Variants in OSBPL10 observed in about 807,000 individuals in gnomAD.
The protein encoded by OSBPL10 is oxysterol binding protein like 10, also known as oxysterol-binding protein-related protein 10.
In OSBPL10, 49 loss-of-function variants were observed where a neutral mutation model predicts 81.7. The ratio of observed to expected loss-of-function variants is 0.60; its 90% confidence interval spans 0.48 to 0.76. The LOEUF (loss-of-function observed/expected upper bound fraction) is 0.76. Among genes scored for constraint, OSBPL10 ranks in the 30% least tolerant of loss-of-function variants. OSBPL10 has a pLI of 0.00. For synonymous variants in OSBPL10, 419 were observed against 383.6 expected (o/e 1.09, Z -1.08); for missense variants, 923 against 987.8 (o/e 0.93, Z 0.88).
At chr3:31,979,362 TATC>T (rs1259503497) in intron 1 of OSBPL10, among the ~76,000 whole-genome samples, 2 of 152,226 alleles carry the variant, frequency 1.3e-5, no homozygotes, top group Non-Finnish European at 2.9e-5. Flanking sequence ...ATATGTAGAA[TATC>T]AATATAGAAA....
Position 31,855,420 on chromosome 3 carries a change from T to C in OSBPL10, c.537+21013A>G, listed in dbSNP as rs147444578. Among the ~76,000 whole-genome samples, 36 of 152,332 alleles carry C rather than the reference T, an allele frequency of 2.4e-4. 1 individual carries two copies. The East Asian group carries it at 6.2e-3, about 26-fold the overall frequency. On this transcript the variant is annotated intron_variant, in intron 3 of 11. Coordinates refer to ENST00000396556, the MANE Select transcript of OSBPL10 (RefSeq NM_017784.5). ...TGAAGAATACAGTCCATGTAGGATATATTTTTAAGTAGGAATACCTTAAAA... is the reference window on the plus strand; with the variant it reads ...TGAAGAATACAGTCCATGTAGGATACATTTTTAAGTAGGAATACCTTAAAA...
intron 2 of OSBPL10, chr3:31,991,564 T>C (rs1699030148): frequency 6.0e-6 from 1 of 166,878 alleles, no homozygotes; most frequent in East Asian, 1.9e-4. Flanking sequence ...TGTTAATGTA[T>C]GGAAATTTAA....
chr3:31,847,278 C>T (rs1049146539), intron 3 of OSBPL10, among the ~76,000 whole-genome samples: 1 of 151,902 alleles, frequency 6.6e-6, no homozygotes, highest in African/African-American at 2.4e-5. Context: ...CTCACTGCAG[C>T]CTCGGTCTCC....
At chr3:31,704,561 G>C (rs1310559661) in intron 6 of OSBPL10, 2 of 152,340 alleles carry the variant, frequency 1.3e-5, no homozygotes, top group East Asian at 3.9e-4. Flanking sequence ...ATCTCAACAG[G>C]AGAAGTAGCT....
At position 31,812,826 on chromosome 3, in the gene OSBPL10, A is replaced by C. The variant is rs554607256; in HGVS notation, c.729+17214T>G. On this transcript the variant is annotated intron_variant, in intron 4 of 11. Coordinates refer to ENST00000396556, the MANE Select transcript of OSBPL10 (RefSeq NM_017784.5). ...AGAAAGAAAGAAAGAAAGAGAAAGA[A>C]AGAAAGAAAGAAAGAAAGAACGAAC... Among the ~76,000 whole-genome samples, 73 of 135,252 alleles carry C rather than the reference A, an allele frequency of 5.4e-4. 2 individuals are homozygous for C. The highest frequency in any genetic ancestry group is 1.9e-3 in the African/African-American group (69 of 36,072). The allele number at this position is 135,252 out of a possible 152,430, so 88.7% of individuals were successfully genotyped here.
chr3:31,725,428 A>C (rs1696779000), intron 6 of OSBPL10, among the ~76,000 whole-genome samples: 1 of 152,194 alleles, frequency 6.6e-6, no homozygotes, highest in Admixed American at 6.5e-5. Flanking sequence ...GAAAAAGAAA[A>C]AACCCGGATG....
chr3:31,801,604 G>A (rs184851692), intron 4 of OSBPL10, among the ~76,000 whole-genome samples: 30 of 152,270 alleles, frequency 2.0e-4, no homozygotes, highest in African/African-American at 6.7e-4. Context: ...AGCTGTGACC[G>A]TGTTCACACT....
At chr3:31,905,344 G>GTTTTTTTTTTTTTTTTTT (rs1575608407) in intron 1 of OSBPL10, among the ~76,000 whole-genome samples, 5 of 70,708 alleles carry the variant, frequency 7.1e-5, no homozygotes, top group African/African-American at 2.4e-4. Context: ...GGAACCTGGT[G>GTTTTTTTTTTTTTTTTTT]ATTTTTTTTT....
At chr3:32,054,580 G>A (rs1467116241) in intron 1 of OSBPL10, among the ~76,000 whole-genome samples, 1 of 137,294 alleles carries the variant, frequency 7.3e-6, no homozygotes, top group Admixed American at 8.0e-5. Flanking sequence ...CACCCAGGCT[G>A]GAGTGCAATG....
intron 1 of OSBPL10, among the ~76,000 whole-genome samples, chr3:31,936,342 T>G (rs1697379783): frequency 1.3e-5 from 2 of 152,238 alleles, no homozygotes; most frequent in Admixed American, 1.3e-4. Flanking sequence ...GTATTCAATC[T>G]GTACAAAATG....
chr3:32,069,792 G>A (rs978955246), intron 1 of OSBPL10, among the ~76,000 whole-genome samples: 5 of 152,164 alleles, frequency 3.3e-5, no homozygotes, highest in African/African-American at 9.7e-5. Flanking sequence ...CCACAACCAC[G>A]GCTCCAGCAT....
At chr3:31,693,803 T>G (rs1409099521) in intron 7 of OSBPL10, among the ~76,000 whole-genome samples, 1 of 152,224 alleles carries the variant, frequency 6.6e-6, no homozygotes, top group Admixed American at 6.5e-5. Flanking sequence ...GGTCTTGCTC[T>G]GTTGCCCAGA....
chr3:31,766,383 C>T (rs1393904812), intron 4 of OSBPL10, among the ~76,000 whole-genome samples: 2 of 139,124 alleles, frequency 1.4e-5, no homozygotes, highest in South Asian at 2.4e-4. Context: ...TTCATCACCA[C>T]CCAAGCTAGA....
chr3:32,026,065 AGATAGATAG>A (rs1699407942), intron 2 of OSBPL10, among the ~76,000 whole-genome samples: 4 of 82,170 alleles, frequency 4.9e-5, no homozygotes, highest in African/African-American at 1.5e-4. Flanking sequence ...GATGATAGAT[AGATAGATAG>A]ATAGATAGAT....
intron 1 of OSBPL10, among the ~76,000 whole-genome samples, chr3:31,939,650 C>T (rs1377300854): frequency 1.3e-5 from 2 of 152,108 alleles, no homozygotes; most frequent in Non-Finnish European, 1.5e-5. Context: ...TGACCAAACT[C>T]CACAAACACA....
At chr3:31,741,507 T>C (rs1320186722) in intron 5 of OSBPL10, among the ~76,000 whole-genome samples, 1 of 152,192 alleles carries the variant, frequency 6.6e-6, no homozygotes, top group African/African-American at 2.4e-5. Flanking sequence ...TCGTGATCCA[T>C]CCACCTTGGC....
chr3:31,809,192 G>A (rs1422565095), intron 4 of OSBPL10, among the ~76,000 whole-genome samples: 1 of 152,152 alleles, frequency 6.6e-6, no homozygotes, highest in African/African-American at 2.4e-5. Context: ...TTCCTGGAAA[G>A]CCCAAGAAAA....
At chr3:31,663,845 G>A in intron 11 of OSBPL10, 1 of 1,419,368 alleles carries the variant, frequency 7.0e-7, no homozygotes, top group Non-Finnish European at 9.2e-7. Flanking sequence ...AGGGATACTG[G>A]AGGGGAAGTG....
At chr3:31,751,023 A>AG (rs2125703301) in intron 4 of OSBPL10, among the ~76,000 whole-genome samples, 1 of 152,194 alleles carries the variant, frequency 6.6e-6, no homozygotes, top group African/African-American at 2.4e-5. Context: ...AAAAGCATTC[A>AG]GGCCAGGCGT....
Sources: allele counts gnomAD v4.1 joint callset (sites outside exome capture counted in the v4.1 genomes callset), GRCh38; gene constraint gnomAD v4.1.1; transcripts MANE v1.5; gene names NCBI Gene and HGNC (gene_info 2026-07-23, HGNC 2026-07-21).